Variants in DOCK5 observed in about 807,000 individuals in gnomAD.
DOCK5 encodes dedicator of cytokinesis 5, also known as dedicator of cytokinesis protein 5.
In DOCK5, 142 loss-of-function variants were observed where a neutral mutation model predicts 251.8. The ratio of observed to expected loss-of-function variants is 0.56; its 90% CI spans 0.49 to 0.65. DOCK5 has a LOEUF of 0.65. Ranked by LOEUF, DOCK5 falls within the 30% of genes least tolerant of loss-of-function variation. DOCK5 has a pLI of 0.00. For missense variants in DOCK5, 2,111 were observed against 2,312.3 expected (o/e 0.91, Z 1.79); for synonymous variants, 842 against 835.5 (o/e 1.01, Z -0.13).
chr8:25,239,158 T>C (rs950378866), intron 1 of DOCK5, among the ~76,000 whole-genome samples: 1 of 152,122 alleles, frequency 6.6e-6, no homozygotes, highest in Admixed American at 6.5e-5. Flanking sequence ...GCTCAGAATT[T>C]AGGGGAGAAC....
At chr8:25,296,756 C>T (rs906932293) in intron 7 of DOCK5, 108 bp downstream of exon 7, 28 of 1,388,466 alleles carry the variant, frequency 2.0e-5, no homozygotes, top group South Asian at 1.6e-4. Flanking sequence ...CTGTAGTTTT[C>T]GTCCTCATTT....
chr8:25,352,378 C>G (rs1389520085), intron 27 of DOCK5, among the ~76,000 whole-genome samples: 1 of 152,026 alleles, frequency 6.6e-6, no homozygotes, highest in Non-Finnish European at 1.5e-5. Flanking sequence ...AGAAACCAAA[C>G]ATTTTAAAGA....
intron 2 of DOCK5, among the ~76,000 whole-genome samples, chr8:25,266,934 ATTC>A (rs1803769663): frequency 2.6e-5 from 4 of 152,228 alleles, no homozygotes. Context: ...GTACAGATAA[ATTC>A]TTCTTTGAAA....
chr8:25,302,229 G>A (rs1218154223), intron 9 of DOCK5, 96 bp from the exon 10 acceptor site: 16 of 1,434,542 alleles, frequency 1.1e-5, no homozygotes, highest in African/African-American at 1.4e-5. Flanking sequence ...AAATAAGGTC[G>A]GAACAGGATT....
At chr8:25,224,240 G>A (rs1247157198) in intron 1 of DOCK5, among the ~76,000 whole-genome samples, 2 of 151,990 alleles carry the variant, frequency 1.3e-5, no homozygotes, top group South Asian at 2.1e-4. Context: ...CGCCTCAACT[G>A]CCCGAGTAGC....
At chr8:25,408,770 G>A (rs758445223) in intron 49 of DOCK5, 32 bp from the exon 50 acceptor site, 2 of 1,612,280 alleles carry the variant, frequency 1.2e-6, no homozygotes, top group Non-Finnish European at 1.7e-6. Context: ...TCCTCACCGT[G>A]AAAATGTTTT....
intron 22 of DOCK5, among the ~76,000 whole-genome samples, chr8:25,337,744 C>T (rs1056717572): frequency 1.3e-5 from 2 of 151,890 alleles, no homozygotes; most frequent in African/African-American, 2.4e-5. Flanking sequence ...TACCACCATG[C>T]CCAGCTAATT....
intron 49 of DOCK5, 47 bp from the exon 50 acceptor site, chr8:25,408,755 A>G (rs1801566694): frequency 6.2e-7 from 1 of 1,607,096 alleles, no homozygotes; most frequent in Non-Finnish European, 8.5e-7. Flanking sequence ...TGTTGAGCTC[A>G]GCCTTCCTCA....
rs4056277 is a variant in DOCK5 at position 25,400,497 on chromosome 8, C to CA, written c.4789-418dup. Among the ~76,000 whole-genome samples the CA allele has an allele frequency of 1.6e-4, 12 of 76,360 alleles. 1 individual carries two copies. The highest frequency in any genetic ancestry group is 4.9e-4 in the African/African-American group (10 of 20,534). 50.1% of individuals were successfully genotyped at this position (76,360 alleles called of 152,430 possible). On this transcript the variant is annotated intron_variant, in intron 46 of 51. Transcript: ENST00000276440. Reference sequence around the variant, plus strand: ...TGGGCAACAGAGTGAGACTCCATCTCAAAAAAAAAAAAAAGAAAAGTTCAT... The same window carrying CA: ...TGGGCAACAGAGTGAGACTCCATCTCAAAAAAAAAAAAAAAGAAAAGTTCAT...
intron 39 of DOCK5, 149 bp downstream of exon 39, chr8:25,380,543 T>C: frequency 1.4e-6 from 1 of 692,288 alleles, no homozygotes. Context: ...TGAAAAAAGA[T>C]GTAGTCCAAA....
chr8:25,295,485 A>C (rs908414925), intron 6 of DOCK5, among the ~76,000 whole-genome samples: 1 of 152,186 alleles, frequency 6.6e-6, no homozygotes, highest in Non-Finnish European at 1.5e-5. Flanking sequence ...TAAATTCTCC[A>C]GGGTCATAAT....
intron 40 of DOCK5, among the ~76,000 whole-genome samples, chr8:25,385,447 G>A (rs1489117331): frequency 6.6e-6 from 1 of 152,134 alleles, no homozygotes; most frequent in Non-Finnish European, 1.5e-5. Flanking sequence ...GGCTGTGTGG[G>A]TGAGGAAGTG....
chr8:25,386,856 G>A (rs953888078), intron 40 of DOCK5, among the ~76,000 whole-genome samples: 1 of 152,150 alleles, frequency 6.6e-6, no homozygotes, highest in Non-Finnish European at 1.5e-5. Context: ...GTGAAATCAC[G>A]TAATCACTGA....
chr8:25,222,732 A>G (rs1307069135), intron 1 of DOCK5, among the ~76,000 whole-genome samples: 2 of 152,134 alleles, frequency 1.3e-5, no homozygotes, highest in Admixed American at 6.5e-5. Flanking sequence ...GTGTGTCCTC[A>G]TCTTCCGCAA....
chr8:25,210,488 C>T (rs1327085637), intron 1 of DOCK5, among the ~76,000 whole-genome samples: 1 of 68,718 alleles, frequency 1.5e-5, no homozygotes, highest in African/African-American at 3.3e-5. Flanking sequence ...TGGGACCGGG[C>T]GCTGTGGCTC....
intron 4 of DOCK5, among the ~76,000 whole-genome samples, chr8:25,276,218 G>C (rs1804040697): frequency 6.6e-6 from 1 of 152,146 alleles, no homozygotes; most frequent in South Asian, 2.1e-4. Flanking sequence ...AACTTAAGTG[G>C]ATCCTGGGTT....
chr8:25,323,728 GTTGTGCTTAT>G, intron 16 of DOCK5, 110 bp from the exon 17 acceptor site: 1 of 1,135,092 alleles, frequency 8.8e-7, no homozygotes, highest in South Asian at 1.4e-5. Context: ...AGTTTGCTCA[GTTGTGCTTAT>G]TAGAATATGG....
chr8:25,388,913 C>T (rs141672432), intron 40 of DOCK5, 178 bp from the exon 41 acceptor site: 9,440 of 598,480 alleles, frequency 0.016, 112 homozygotes, highest in Non-Finnish European at 0.02. Context: ...TCCAATAAAC[C>T]GCAGCTCTTG....
In DOCK5 at chr8:25,380,349, T is replaced by TTA; in HGVS notation, c.3982_3983dup (p.Glu1329ThrfsTer15). 3.1e-6 allele frequency: 5 copies of TTA among 1,612,286 alleles called. No individual in the cohort carries two copies. Among genetic ancestry groups the TTA allele is most frequent in the Non-Finnish European group, 4.2e-6 (5 of 1,179,176 alleles). ...AGCTGAGCAAAGAGTTGGCTGAGAC[T>TTA]TACGAAAGCAAAGTATTTGACTACG... is the stretch of plus-strand genomic sequence containing the variant. On this transcript the variant is annotated frameshift_variant, in exon 39 of 52. Coordinates refer to ENST00000276440, the MANE Select transcript of DOCK5 (RefSeq NM_024940.8). LOFTEE classifies it high-confidence loss of function.
Sources: gnomAD v4.1 joint callset for allele counts (sites outside exome capture counted in the v4.1 genomes callset) on GRCh38, gnomAD v4.1.1 for gene constraint, MANE v1.5 for transcripts, NCBI Gene and HGNC (gene_info 2026-07-23, HGNC 2026-07-21) for gene names.